Variants in LRP5 observed in about 807,000 individuals in gnomAD.
LRP5 encodes LDL receptor related protein 5.
Under a neutral mutation model 154.1 loss-of-function variants are expected in LRP5, and 62 were observed. The observed-to-expected ratio is 0.40, with a 90% CI of 0.33 to 0.50. The LOEUF is 0.50. LRP5 is among the 20% of genes least tolerant of loss of function. LRP5 has a pLI of 0.55. For synonymous variants in LRP5, 966 were observed against 1,011.5 expected, an observed-to-expected ratio of 0.96 and a Z score of 0.85; for missense variants, 1,915 against 2,336.7, an observed-to-expected ratio of 0.82 and a Z score of 3.72.
chr11:68,414,652 C>T (rs1200061262), intron 12 of LRP5, among the ~76,000 whole-genome samples: 1 of 152,210 alleles, frequency 6.6e-6, no homozygotes. Context: ...CGGGCTCTTC[C>T]CCCATGACAT....
chr11:68,317,360 A>G (rs2098594009), intron 1 of LRP5, among the ~76,000 whole-genome samples: 1 of 152,254 alleles, frequency 6.6e-6, no homozygotes, highest in East Asian at 1.9e-4. Context: ...TGTCCTTTGA[A>G]GAGTACCCCG....
rs1222264798 is a variant in LRP5 at position 68,406,788 on chromosome 11, T to C, written c.2066T>C (p.Ile689Thr). ...GACTTTGATGTGTCCAACAACCACA[T>C]CTACTGGACAGACGTCAGCCTGAAG... ...ALDFDVSNNH[I>T]YWTDVSLKTI... The change falls in exon 9 of 23, where the codon ATC (isoleucine) becomes ACC (threonine). Residue 689 changes from isoleucine (I) to threonine (T), a missense_variant. By Grantham distance (89) the Ile-to-Thr change is moderately conservative. Coordinates refer to ENST00000294304, the MANE Select transcript of LRP5 (RefSeq NM_002335.4). 4 of 1,613,868 alleles carry C rather than the reference T, an allele frequency of 2.5e-6. No individual in the cohort carries two copies. Among genetic ancestry groups the C allele is most frequent in the Non-Finnish European group, 8.5e-7 (1 of 1,180,018 alleles).
chr11:68,345,428 C>A (rs1340628526), intron 1 of LRP5, among the ~76,000 whole-genome samples: 1 of 152,100 alleles, frequency 6.6e-6, no homozygotes, highest in Non-Finnish European at 1.5e-5. Context: ...GCTGGGATTA[C>A]AGGTGCCCGT....
At chr11:68,397,846 A>G (rs1426736448) in intron 7 of LRP5, among the ~76,000 whole-genome samples, 1 of 152,050 alleles carries the variant, frequency 6.6e-6, no homozygotes, top group African/African-American at 2.4e-5. Context: ...GACTTTTGCT[A>G]AGTGGGTGGA....
At chr11:68,414,914 C>A (rs998580720) in intron 12 of LRP5, among the ~76,000 whole-genome samples, 6 of 152,190 alleles carry the variant, frequency 3.9e-5, no homozygotes, top group African/African-American at 1.4e-4. Context: ...TCCTGTTGCT[C>A]ACCATCCCTC....
At chr11:68,371,467 A>G (rs544375293) in intron 5 of LRP5, among the ~76,000 whole-genome samples, 15 of 152,330 alleles carry the variant, frequency 9.8e-5, no homozygotes, top group African/African-American at 3.6e-4. Context: ...TTAGTATCCA[A>G]ATGTCCTGCC....
At chr11:68,403,170 G>C (rs184955656) in intron 7 of LRP5, among the ~76,000 whole-genome samples, 1 of 152,252 alleles carries the variant, frequency 6.6e-6, no homozygotes, top group Non-Finnish European at 1.5e-5. Flanking sequence ...GCTTGAACCT[G>C]GGAGGTGGAG....
At chr11:68,344,005 G>A (rs761305516) in intron 1 of LRP5, among the ~76,000 whole-genome samples, 4 of 152,080 alleles carry the variant, frequency 2.6e-5, no homozygotes, top group Non-Finnish European at 4.4e-5. Flanking sequence ...GTGAAATGCA[G>A]ACCTCTCAGC....
chr11:68,339,591 C>T (rs1340891034), intron 1 of LRP5, among the ~76,000 whole-genome samples: 3 of 152,136 alleles, frequency 2.0e-5, no homozygotes, highest in African/African-American at 7.2e-5. Flanking sequence ...CGTGATCCGC[C>T]CGCCTCAGCC....
chr11:68,425,947 C>T, intron 15 of LRP5, 31 bp from the exon 16 acceptor site: 1 of 1,596,974 alleles, frequency 6.3e-7, no homozygotes, highest in Non-Finnish European at 8.5e-7. Context: ...GAGGTCAGCA[C>T]TGCTCAGGGG....
intron 1 of LRP5, 56 bp from the exon 2 acceptor site, chr11:68,347,791 G>C: frequency 1.3e-6 from 2 of 1,599,410 alleles, no homozygotes; most frequent in Non-Finnish European, 1.7e-6. Context: ...CCATCCCAGG[G>C]CTGTGTATCT....
At chr11:68,319,771 A>C (rs191120429) in intron 1 of LRP5, among the ~76,000 whole-genome samples, 1 of 152,294 alleles carries the variant, frequency 6.6e-6, no homozygotes, top group Non-Finnish European at 1.5e-5. Flanking sequence ...CTTCATTGCT[A>C]TTACAAAGCA....
intron 15 of LRP5, 85 bp from the exon 16 acceptor site, chr11:68,425,893 C>A: frequency 8.2e-7 from 1 of 1,214,174 alleles, no homozygotes; most frequent in Non-Finnish European, 1.2e-6. Flanking sequence ...CCTGGCAGTC[C>A]TGTCAACCTC....
At chr11:68,433,327 G>A (rs921906617) in intron 17 of LRP5, among the ~76,000 whole-genome samples, 3 of 152,192 alleles carry the variant, frequency 2.0e-5, no homozygotes, top group Admixed American at 2.0e-4. Flanking sequence ...TTCCCAGTTG[G>A]CACCCTTTCC....
intron 19 of LRP5, 94 bp downstream of exon 19, chr11:68,437,093 C>A (rs934594592): frequency 1.7e-5 from 19 of 1,093,886 alleles, no homozygotes; most frequent in Non-Finnish European, 2.6e-5. Context: ...TCCAGCGGGG[C>A]TGGGGGCTGT....
intron 18 of LRP5, 115 bp from the exon 19 acceptor site, chr11:68,436,774 A>G (rs2098675222): frequency 1.3e-6 from 1 of 750,338 alleles, no homozygotes; most frequent in Non-Finnish European, 2.4e-6. Flanking sequence ...CTGGTCCTAG[A>G]AAGGGTCCCA....
Position 68,387,958 on chromosome 11 carries a change from C to T in LRP5, c.1412+1246C>T, listed in dbSNP as rs188177036. 4.4e-3 allele frequency among the ~76,000 whole-genome samples: 666 copies of T among 152,264 alleles called. 8 individuals are homozygous for T. Among genetic ancestry groups the T allele is most frequent in the Non-Finnish European group, 3.2e-3 (215 of 68,028 alleles). ...GTGGAGCCTGTGCTCGTGGCCCAGC[C>T]CTGGGGGTTGTGAGTGTGCTGGCCG... On this transcript the variant is annotated intron_variant, in intron 6 of 22. Transcript: ENST00000294304.
At chr11:68,323,905 G>A (rs1326522794) in intron 1 of LRP5, among the ~76,000 whole-genome samples, 1 of 152,222 alleles carries the variant, frequency 6.6e-6, no homozygotes, top group Admixed American at 6.5e-5. Flanking sequence ...GAGGACTCCT[G>A]GGTCCCGGCT....
chr11:68,423,400 C>T lies in LRP5; in HGVS notation c.3028-89C>T. ...CAGTGCCCGGGGGTCTCCACCAGTGCCCGGGGGTCTCCGCCAGTGCCAGGG... is the reference window on the plus strand; with the variant it reads ...CAGTGCCCGGGGGTCTCCACCAGTGTCCGGGGGTCTCCGCCAGTGCCAGGG... On this transcript the variant is annotated intron_variant, in intron 13 of 22. Coordinates refer to ENST00000294304, the MANE Select transcript of LRP5 (RefSeq NM_002335.4). The surrounding 1 kb of genome is among the most constrained non-coding windows in gnomAD (Gnocchi z 4.7). 7.9e-7 allele frequency: 1 copy of T among 1,258,852 alleles called. No individual in the cohort carries two copies. Among genetic ancestry groups the T allele is most frequent in the Admixed American group, 1.7e-5 (1 of 59,430 alleles). The allele number at this position is 1,258,852 out of a possible 1,614,324, so 78.0% of individuals were successfully genotyped here.
Sources: gnomAD v4.1 joint callset for allele counts (sites outside exome capture counted in the v4.1 genomes callset) on GRCh38, gnomAD v4.1.1 for gene constraint, Gnocchi (gnomAD v3.1) non-coding constraint, MANE v1.5 for transcripts, NCBI Gene and HGNC (gene_info 2026-07-23, HGNC 2026-07-21) for gene names.